EPHA5: variants seen among roughly 807,000 people sequenced by gnomAD.
EPHA5 encodes the protein ephrin type-A receptor 5.
A neutral mutation model predicts 105.0 loss-of-function variants in EPHA5; 60 were observed. The observed-to-expected ratio is 0.57, with a 90% CI of 0.46 to 0.71. The LOEUF (loss-of-function observed/expected upper bound fraction) is 0.71, where lower values mean the gene tolerates loss of function less well. EPHA5 is among the 30% of genes least tolerant of loss of function. The probability of loss-of-function intolerance (pLI) is 0.00; values close to 1 mark genes in which losing one functional copy is unlikely to be tolerated. For missense variants in EPHA5, 1,218 were observed against 1,274.7 expected, an observed-to-expected ratio of 0.96 and a Z score of 0.68; for synonymous variants, 513 against 449.1, an observed-to-expected ratio of 1.14 and a Z score of -1.80.
At chr4:65,536,708 A>G (rs571297008) in intron 3 of EPHA5, among the ~76,000 whole-genome samples, 29 of 151,820 alleles carry the variant, frequency 1.9e-4, no homozygotes, top group African/African-American at 6.7e-4. Flanking sequence ...AAAATGAGAC[A>G]ATTGTACTCT....
chr4:65,539,824 A>C (rs1489771376), intron 3 of EPHA5, among the ~76,000 whole-genome samples: 1 of 151,558 alleles, frequency 6.6e-6, no homozygotes, highest in Non-Finnish European at 1.5e-5. Context: ...TTCTGTTTTA[A>C]AATCATACAA....
At chr4:65,495,000 GAAGAAGA>G (rs138935035) in intron 4 of EPHA5, among the ~76,000 whole-genome samples, 139,350 of 151,198 alleles carry the variant, frequency 0.92, 64,624 homozygotes, top group Middle Eastern at 0.99. Context: ...GAAGAGGAAG[GAAGAAGA>G]AAGAAGAAAG....
chr4:65,482,647 A>G (rs1299629003), intron 5 of EPHA5, among the ~76,000 whole-genome samples: 1 of 152,144 alleles, frequency 6.6e-6, no homozygotes, highest in Non-Finnish European at 1.5e-5. Flanking sequence ...TGGGAAGAAA[A>G]AAATCTAAAT....
chr4:65,608,538 C>T (rs976941283), intron 2 of EPHA5, among the ~76,000 whole-genome samples: 17 of 151,834 alleles, frequency 1.1e-4, no homozygotes, highest in Non-Finnish European at 2.5e-4. Flanking sequence ...AAGAAAATGC[C>T]TGGGAACAGT....
intron 3 of EPHA5, among the ~76,000 whole-genome samples, chr4:65,498,935 CTT>C (rs1379955995): frequency 6.6e-6 from 1 of 151,090 alleles, no homozygotes; most frequent in Non-Finnish European, 1.5e-5. Context: ...GCTAGACAAA[CTT>C]ATATTATTCC....
chr4:65,472,761 C>T (rs1304390043), intron 5 of EPHA5, among the ~76,000 whole-genome samples: 1 of 148,182 alleles, frequency 6.7e-6, no homozygotes, highest in African/African-American at 2.4e-5. Flanking sequence ...CAAAACCTGG[C>T]CCTTCTCTTC....
rs142437768 is a variant in EPHA5 at position 65,330,235 on chromosome 4, T to C, written c.2945+1738A>G. Among the ~76,000 whole-genome samples the C allele has an allele frequency of 3.3e-4, 50 of 151,474 alleles. No homozygotes were observed. The East Asian group carries it at 8.6e-3, about 26-fold the overall frequency. On this transcript the variant is annotated intron_variant, in intron 16 of 16. Transcript: ENST00000613740. Reference sequence around the variant, plus strand: ...ATAAAGGCAATCTAGCAAGAGGCCATAAGCTGGAGAAGAATCATTATGAGA... The same window carrying C: ...ATAAAGGCAATCTAGCAAGAGGCCACAAGCTGGAGAAGAATCATTATGAGA...
chr4:65,426,362 C>G (rs4860182), intron 5 of EPHA5, among the ~76,000 whole-genome samples: 23,108 of 152,150 alleles, frequency 0.15, 1,902 homozygotes, highest in Middle Eastern at 0.25. Context: ...AATTGCCCTT[C>G]ACTTTATTCA....
chr4:65,573,856 C>T, intron 3 of EPHA5: 1 of 1,613,104 alleles, frequency 6.2e-7, no homozygotes, highest in Non-Finnish European at 8.5e-7. Flanking sequence ...AAAAAAAAAC[C>T]CTTCAGTCAG....
In EPHA5 at chr4:65,351,520, C is replaced by T. The variant is rs2148855191; in HGVS notation, c.2314G>A (p.Asp772Asn). 6.2e-7 allele frequency: 1 copy of T among 1,613,748 alleles called. No homozygotes were observed. ...AGATCTCTATGCACATAGCCCATGT[C>T]AGAAAGGTACTTCATTCCTGCAGAG... ...GISAGMKYLS[D>N]MGYVHRDLAA... Residue 772 changes from aspartate (D) to asparagine (N), a missense_variant, in exon 13 of 17, where the codon GAC (aspartate) becomes AAC (asparagine). Physicochemically the swap from Asp to Asn is conservative, Grantham distance 23 (BLOSUM62 1). This residue lies in a region of EPHA5 where 971 missense variants were observed against 1,013.5 expected (regional missense o/e 0.96). Transcript: ENST00000613740.
intron 3 of EPHA5, among the ~76,000 whole-genome samples, chr4:65,503,429 T>G (rs1035587290): frequency 1.3e-5 from 2 of 151,826 alleles, no homozygotes; most frequent in Non-Finnish European, 2.9e-5. Context: ...TAGGTCCTAC[T>G]TGAGAATCTA....
chr4:65,327,000 C>T (rs1482504493), intron 16 of EPHA5, among the ~76,000 whole-genome samples: 1 of 151,188 alleles, frequency 6.6e-6, no homozygotes, highest in African/African-American at 2.4e-5. Flanking sequence ...TAAAGGATAT[C>T]AAATCACTAA....
chr4:65,527,964 G>A (rs1258457433), intron 3 of EPHA5, among the ~76,000 whole-genome samples: 2 of 151,992 alleles, frequency 1.3e-5, no homozygotes, highest in Non-Finnish European at 2.9e-5. Context: ...TGATCCAGTG[G>A]TAGTTTGCTA....
intron 3 of EPHA5, among the ~76,000 whole-genome samples, chr4:65,549,300 G>A (rs111535186): frequency 1.3e-4 from 20 of 152,184 alleles, no homozygotes; most frequent in South Asian, 8.3e-4. Flanking sequence ...ACAAATCTGC[G>A]AAAATTTATT....
At chr4:65,401,930 AG>A (rs1721876893) in intron 8 of EPHA5, among the ~76,000 whole-genome samples, 4 of 151,292 alleles carry the variant, frequency 2.6e-5, no homozygotes, top group African/African-American at 9.7e-5. Flanking sequence ...AGAGAGAGAG[AG>A]AAAGAGAGAG....
intron 3 of EPHA5, among the ~76,000 whole-genome samples, chr4:65,582,192 T>C (rs1741692031): frequency 6.6e-6 from 1 of 151,694 alleles, no homozygotes; most frequent in Non-Finnish European, 1.5e-5. Context: ...ACTGTTACTG[T>C]GATAAGATAG....
intron 14 of EPHA5, among the ~76,000 whole-genome samples, chr4:65,344,835 A>G (rs1577869129): frequency 1.3e-5 from 2 of 152,310 alleles, no homozygotes; most frequent in South Asian, 2.1e-4. Context: ...CATATATTCA[A>G]TTGAACATTT....
At chr4:65,558,649 C>T (rs371475610) in intron 3 of EPHA5, among the ~76,000 whole-genome samples, 3 of 152,050 alleles carry the variant, frequency 2.0e-5, no homozygotes, top group African/African-American at 7.2e-5. Flanking sequence ...CCCATTAACT[C>T]GTCATTTAAC....
rs1719840092 is a variant in EPHA5, at chr4:65,323,999, T to C, written c.*115A>G. ...AATTCTGTGGCTGAGGCAAATGTTT[T>C]CTAAGGTTTAGAAATCACTGTTTTC... is the stretch of plus-strand genomic sequence containing the variant. On this transcript the variant is annotated 3_prime_UTR_variant, in exon 17 of 17. Transcript: ENST00000613740. The C allele has an allele frequency of 6.0e-6, 4 of 671,938 alleles. No individual in the cohort carries two copies. The highest frequency in any genetic ancestry group is 1.0e-5 in the Non-Finnish European group (4 of 399,812). 41.6% of individuals were successfully genotyped at this position (671,938 alleles called of 1,614,324 possible).
Sources: gnomAD v4.1 joint callset for allele counts (sites outside exome capture counted in the v4.1 genomes callset) on GRCh38, gnomAD v4.1.1 for gene constraint, gnomAD v4.1.1 regional missense constraint, MANE v1.5 for transcripts, NCBI Gene and HGNC (gene_info 2026-07-23, HGNC 2026-07-21) for gene names.